The following RANBP2 variants were observed in gnomAD, a reference collection of about 807,000 sequenced individuals.
RANBP2 encodes RAN binding protein 2, also known as E3 SUMO-protein ligase RanBP2.
RANBP2 carries 57 observed loss-of-function variants against 303.6 expected under a neutral mutation model. The observed-to-expected ratio is 0.19, with a 90% CI of 0.15 to 0.23. The LOEUF (loss-of-function observed/expected upper bound fraction) is 0.23, where lower values mean the gene tolerates loss of function less well. Among genes scored for constraint, RANBP2 ranks in the 10% least tolerant of loss-of-function variants. The pLI, the probability that RANBP2 is intolerant of heterozygous loss-of-function variation, is 1.00. For synonymous variants in RANBP2, 1,167 were observed against 1,301.5 expected, an observed-to-expected ratio of 0.90 and a Z score of 2.23; for missense variants, 3,138 against 3,780.8, an observed-to-expected ratio of 0.83 and a Z score of 4.46.
chr2:109,059,076 C>T, the RANBP2 span, among the ~76,000 whole-genome samples: 71 of 152,130 alleles, frequency 4.7e-4, no homozygotes, highest in South Asian at 0.013. Flanking sequence ...CTGCCACCTC[C>T]GGGCCTTATC....
At chr2:109,519,215 T>A in the RANBP2 span, among the ~76,000 whole-genome samples, 4,237 of 152,084 alleles carry the variant, frequency 0.028, 217 homozygotes, top group African/African-American at 0.096. Flanking sequence ...CACCACACCC[T>A]GCCTGGTGCT....
At chr2:109,501,212 A>G in the RANBP2 span, among the ~76,000 whole-genome samples, 8 of 152,166 alleles carry the variant, frequency 5.3e-5, no homozygotes, top group South Asian at 1.7e-3. Flanking sequence ...TGGATATGAG[A>G]TGGGGGGCTG....
chr2:108,816,110 G>A, the RANBP2 span: 2 of 1,591,454 alleles, frequency 1.3e-6, no homozygotes, highest in East Asian at 4.5e-5. Context: ...GTAAAGGTTT[G>A]TTTTTTAATT....
At chr2:109,010,948 C>A in the RANBP2 span, among the ~76,000 whole-genome samples, 5 of 152,132 alleles carry the variant, frequency 3.3e-5, no homozygotes, top group African/African-American at 4.8e-5. Context: ...CTCCTGGTTC[C>A]CTGCACCCAC....
At chr2:109,525,200 GC>G in the RANBP2 span, among the ~76,000 whole-genome samples, 1 of 151,950 alleles carries the variant, frequency 6.6e-6, no homozygotes, top group African/African-American at 2.4e-5. Flanking sequence ...TGTCACCCAG[GC>G]TGGAGTGCAG....
At chr2:109,270,543 A>G in the RANBP2 span, among the ~76,000 whole-genome samples, 1 of 152,154 alleles carries the variant, frequency 6.6e-6, no homozygotes, top group Non-Finnish European at 1.5e-5. Context: ...CTCTGTGATC[A>G]GCGGTGACAG....
chr2:108,961,527 A>C, the RANBP2 span, among the ~76,000 whole-genome samples: 1 of 152,178 alleles, frequency 6.6e-6, no homozygotes, highest in Non-Finnish European at 1.5e-5. Context: ...CGCTGCCTAC[A>C]TCAGATTTAC....
chr2:109,585,627 T>C, the RANBP2 span: 1 of 896,804 alleles, frequency 1.1e-6, no homozygotes. Context: ...TGATTTCAAA[T>C]TGATAACATG....
chr2:109,350,796 G>A, the RANBP2 span, among the ~76,000 whole-genome samples: 1 of 152,196 alleles, frequency 6.6e-6, no homozygotes, highest in Non-Finnish European at 1.5e-5. Context: ...CGTAGGTGCT[G>A]GTTCATGCCA....
chr2:108,788,861 A>G (rs754478994), downstream of RANBP2: 6 of 1,613,964 alleles, frequency 3.7e-6, no homozygotes, highest in African/African-American at 1.3e-5. Context: ...GGTGATTTGG[A>G]TATCTACTCT....
chr2:109,100,656 C>T, the RANBP2 span, among the ~76,000 whole-genome samples: 1 of 152,012 alleles, frequency 6.6e-6, no homozygotes. Flanking sequence ...GATGGTCTCC[C>T]CAGGGAGGTC....
the RANBP2 span, among the ~76,000 whole-genome samples, chr2:108,969,150 A>C: frequency 6.6e-6 from 1 of 152,108 alleles, no homozygotes; most frequent in Non-Finnish European, 1.5e-5. Context: ...TGAAGAAAGA[A>C]GGCACCTCTG....
At chr2:108,964,016 C>A in the RANBP2 span, among the ~76,000 whole-genome samples, 111 of 152,312 alleles carry the variant, frequency 7.3e-4, 1 homozygote, top group African/African-American at 2.6e-3. Context: ...GGACTATGGC[C>A]TCTGTGGCTG....
At chr2:109,032,781 A>G in the RANBP2 span, among the ~76,000 whole-genome samples, 3 of 152,248 alleles carry the variant, frequency 2.0e-5, no homozygotes, top group African/African-American at 7.2e-5. Context: ...TCAGAATGGA[A>G]CAATAATTTC....
At chr2:108,762,740 TGTAAA>T (rs1177090890) in intron 19 of RANBP2, among the ~76,000 whole-genome samples, 7 of 151,148 alleles carry the variant, frequency 4.6e-5, no homozygotes, top group Admixed American at 4.6e-4. Context: ...GAGATAATAA[TGTAAA>T]GTGCTTAGAA....
At chr2:109,070,572 T>G in the RANBP2 span, among the ~76,000 whole-genome samples, 354 of 151,794 alleles carry the variant, frequency 2.3e-3, no homozygotes, top group Non-Finnish European at 4.0e-3. Context: ...TTTTAAAGAG[T>G]ATGGTGGCCA....
the RANBP2 span, among the ~76,000 whole-genome samples, chr2:109,630,002 T>C: frequency 0.22 from 33,306 of 151,816 alleles, 4,079 homozygotes; most frequent in Admixed American, 0.34. Context: ...AGAAGTAAAA[T>C]ACAACACGCC....
chr2:109,651,677 C>A, the RANBP2 span, among the ~76,000 whole-genome samples: 1 of 152,120 alleles, frequency 6.6e-6, no homozygotes, highest in Non-Finnish European at 1.5e-5. Context: ...ATGATTTGAG[C>A]GGTTGGCTGG....
chr2:108,768,519 C>G, intron 20 of RANBP2, 131 bp downstream of exon 20: 1 of 1,538,720 alleles, frequency 6.5e-7, no homozygotes, highest in Admixed American at 1.9e-5. Context: ...AATATTTGAG[C>G]AATTTTTTTT....
Sources: gnomAD v4.1 joint callset for allele counts (sites outside exome capture counted in the v4.1 genomes callset) on GRCh38, gnomAD v4.1.1 for gene constraint, MANE v1.5 for transcripts, NCBI Gene and HGNC (gene_info 2026-07-23, HGNC 2026-07-21) for gene names.